Variants in ZNF680 observed in about 807,000 individuals in gnomAD.
ZNF680 encodes the protein hypothetical protein FLJ90430.
A neutral mutation model predicts 12.1 loss-of-function variants in ZNF680; 6 were observed. The ratio of observed to expected loss-of-function variants is 0.49; its 90% CI spans 0.27 to 0.98. The LOEUF (loss-of-function observed/expected upper bound fraction) is 0.98. Ranked by LOEUF, ZNF680 falls within the 50% of genes least tolerant of loss-of-function variation. The pLI is 0.12. For synonymous variants in ZNF680, 170 were observed against 199.3 expected (o/e 0.85, Z 1.24); for missense variants, 561 against 616.3 (o/e 0.91, Z 0.95).
chr7:64,547,679 G>A (rs780272460), intron 1 of ZNF680, among the ~76,000 whole-genome samples: 1 of 151,994 alleles, frequency 6.6e-6, no homozygotes, highest in Non-Finnish European at 1.5e-5. Context: ...CAGATGAGAG[G>A]GATACAGAAA....
chr7:64,528,412 G>A (rs935386797), intron 3 of ZNF680, among the ~76,000 whole-genome samples: 1 of 152,182 alleles, frequency 6.6e-6, no homozygotes, highest in Non-Finnish European at 1.5e-5. Flanking sequence ...ACAGCTAGGA[G>A]GTGGGTAGCC....
chr7:64,521,671 C>T lies in ZNF680; in HGVS notation c.1083G>A (p.Gln361=), dbSNP rs1791541138. Residue 361 remains glutamine (Q), a synonymous_variant, in exon 4 of 4, where the codon CAG becomes CAA. Coordinates refer to ENST00000309683, the MANE Select transcript of ZNF680 (RefSeq NM_178558.5). ...KCEECGKAFN[Q]FANLTRHKKI... Reference sequence around the variant, plus strand: ...TCTTATGTCTAGTAAGGTTTGCAAACTGGTTAAAAGCTTTGCCACATTCTT... The same window carrying T: ...TCTTATGTCTAGTAAGGTTTGCAAATTGGTTAAAAGCTTTGCCACATTCTT... The T allele has an allele frequency of 4.3e-6, 7 of 1,612,238 alleles. No individual in the cohort carries two copies. The highest frequency in any genetic ancestry group is 5.9e-6 in the Non-Finnish European group (7 of 1,179,696).
At chr7:64,509,785 CTTGTAT>C in the ZNF680 span, among the ~76,000 whole-genome samples, 1 of 152,002 alleles carries the variant, frequency 6.6e-6, no homozygotes, top group Non-Finnish European at 1.5e-5. Flanking sequence ...AAAGGTCACG[CTTGTAT>C]CCATGTTGCA....
intron 1 of ZNF680, among the ~76,000 whole-genome samples, chr7:64,546,899 G>A (rs1240537088): frequency 2.0e-5 from 3 of 152,050 alleles, no homozygotes; most frequent in South Asian, 4.2e-4. Context: ...TGCAAAGGTG[G>A]AACTTAACTC....
chr7:64,500,836 T>C, the ZNF680 span: 55 of 414,770 alleles, frequency 1.3e-4, no homozygotes, highest in Non-Finnish European at 2.1e-4. Flanking sequence ...TGGCCAGCAA[T>C]GTTACCAACA....
chr7:64,506,166 G>T, the ZNF680 span, among the ~76,000 whole-genome samples: 1 of 151,206 alleles, frequency 6.6e-6, no homozygotes, highest in South Asian at 2.1e-4. Context: ...CCACCCACCT[G>T]AATAGACTTT....
At chr7:64,522,565 C>A in intron 3 of ZNF680, 65 bp from the exon 4 acceptor site, 2 of 1,176,590 alleles carry the variant, frequency 1.7e-6, no homozygotes, top group South Asian at 3.5e-5. Context: ...TTTTACATAT[C>A]AAATTTATAA....
At chr7:64,513,963 TAATA>T in the ZNF680 span, among the ~76,000 whole-genome samples, 3 of 152,128 alleles carry the variant, frequency 2.0e-5, no homozygotes, top group Non-Finnish European at 4.4e-5. Context: ...TTTTATGTAA[TAATA>T]AGAGCTAGTA....
At chr7:64,524,712 C>A (rs1314020043) in intron 3 of ZNF680, 1 of 152,122 alleles carries the variant, frequency 6.6e-6, no homozygotes, top group Non-Finnish European at 1.5e-5. Context: ...CACTCAACAA[C>A]ATAATGATAA....
intron 3 of ZNF680, among the ~76,000 whole-genome samples, chr7:64,539,483 T>C (rs1786384551): frequency 2.0e-5 from 3 of 151,942 alleles, no homozygotes; most frequent in African/African-American, 7.3e-5. Context: ...ATGAGATATC[T>C]TAAGTAGTCA....
chr7:64,535,907 G>A (rs1009660413), intron 3 of ZNF680, among the ~76,000 whole-genome samples: 3 of 152,030 alleles, frequency 2.0e-5, no homozygotes, highest in East Asian at 1.9e-4. Flanking sequence ...TCACACCACC[G>A]CACTCCAGCC....
chr7:64,551,324 C>G (rs1488450357), intron 1 of ZNF680, among the ~76,000 whole-genome samples: 2 of 152,176 alleles, frequency 1.3e-5, no homozygotes, highest in Admixed American at 1.3e-4. Context: ...CAATGGCTCT[C>G]TACTCCCCAA....
chr7:64,545,473 TCAGA>T (rs1263267191), intron 1 of ZNF680, among the ~76,000 whole-genome samples: 1 of 152,112 alleles, frequency 6.6e-6, no homozygotes, highest in Non-Finnish European at 1.5e-5. Flanking sequence ...AAAAAACTTG[TCAGA>T]CAGCTCTTTA....
intron 1 of ZNF680, among the ~76,000 whole-genome samples, chr7:64,559,248 T>C (rs1009462315): frequency 3.3e-5 from 5 of 152,214 alleles, no homozygotes; most frequent in Admixed American, 2.0e-4. Flanking sequence ...GAGTTTATTT[T>C]CCTTCCACAT....
In ZNF680 at chr7:64,562,998, G is replaced by C. The variant is rs1418224012; in HGVS notation, c.-44C>G. ...AATACCTGCAGATAACGGAGTCACA[G>C]AGGCTGGGCCTCTAGGAGCAGAATA... On this transcript the variant is annotated 5_prime_UTR_variant, in exon 1 of 4. Transcript: ENST00000309683. The C allele has an allele frequency of 2.5e-6, 4 of 1,610,894 alleles. No homozygotes were observed. The highest frequency in any genetic ancestry group is 1.3e-5 in the African/African-American group (1 of 74,942).
At chr7:64,525,679 G>A (rs1264878095) in intron 3 of ZNF680, 1 of 645,090 alleles carries the variant, frequency 1.6e-6, no homozygotes, top group African/African-American at 2.0e-5. Flanking sequence ...TAAATGTTAT[G>A]TGTTTTTGAC....
chr7:64,547,894 T>G (rs1180029642), intron 1 of ZNF680, among the ~76,000 whole-genome samples: 1 of 152,196 alleles, frequency 6.6e-6, no homozygotes, highest in Non-Finnish European at 1.5e-5. Flanking sequence ...CAAAGAATTA[T>G]GGGCACCAGT....
chr7:64,554,167 C>T (rs374846911), intron 1 of ZNF680, among the ~76,000 whole-genome samples: 33,530 of 150,398 alleles, frequency 0.22, 3,840 homozygotes, highest in South Asian at 0.28. Flanking sequence ...CGCCCATCGT[C>T]TGGGATGTGG....
the ZNF680 span, among the ~76,000 whole-genome samples, chr7:64,508,028 CTGTTT>C: frequency 6.7e-6 from 1 of 149,304 alleles, no homozygotes; most frequent in Admixed American, 6.7e-5. Context: ...TCTAAAGCTA[CTGTTT>C]TGAGTAAAAT....
Sources: allele counts gnomAD v4.1 joint callset (sites outside exome capture counted in the v4.1 genomes callset), GRCh38; gene constraint gnomAD v4.1.1; transcripts MANE v1.5; gene names NCBI Gene and HGNC (gene_info 2026-07-23, HGNC 2026-07-21).